Variants in TAB2 observed in about 807,000 individuals in gnomAD.
TAB2 encodes the protein TGF-beta activated kinase 1 (MAP3K7) binding protein 2, also known as TGF-beta-activated kinase 1 and MAP3K7-binding protein 2.
TAB2 carries 3 observed loss-of-function variants against 65.0 expected under a neutral mutation model. The ratio of observed to expected loss-of-function variants is 0.05; its 90% CI spans 0.02 to 0.12. The LOEUF (loss-of-function observed/expected upper bound fraction) is 0.12, where lower values mean the gene tolerates loss of function less well. TAB2 is among the 10% of genes least tolerant of loss of function. The pLI is 1.00. For missense variants in TAB2, 623 were observed against 840.3 expected, an observed-to-expected ratio of 0.74 and a Z score of 3.20; for synonymous variants, 298 against 285.1, an observed-to-expected ratio of 1.05 and a Z score of -0.46.
chr6:149,228,308 G>T (rs922425027), intron 1 of TAB2, among the ~76,000 whole-genome samples: 3 of 152,032 alleles, frequency 2.0e-5, no homozygotes, highest in Non-Finnish European at 4.4e-5. Context: ...AAGTGTTCTG[G>T]CCCCACGTGT....
At chr6:149,383,489 A>T (rs914069088) in intron 3 of TAB2, among the ~76,000 whole-genome samples, 1 of 152,152 alleles carries the variant, frequency 6.6e-6, no homozygotes, top group African/African-American at 2.4e-5. Flanking sequence ...GTGTGTGCAC[A>T]CTGTTTTGGG....
At chr6:149,373,052 T>A (rs929464871) in intron 2 of TAB2, among the ~76,000 whole-genome samples, 1 of 152,230 alleles carries the variant, frequency 6.6e-6, no homozygotes, top group African/African-American at 2.4e-5. Context: ...TCTATCCTCT[T>A]TTCTCTTAAG....
chr6:149,303,021 T>A (rs775254220), intron 1 of TAB2, among the ~76,000 whole-genome samples: 1 of 152,220 alleles, frequency 6.6e-6, no homozygotes, highest in Non-Finnish European at 1.5e-5. Flanking sequence ...GAACTGCGCA[T>A]GCAGGGGATC....
intron 5 of TAB2, among the ~76,000 whole-genome samples, chr6:149,398,595 A>G (rs1782255529): frequency 6.6e-6 from 1 of 152,156 alleles, no homozygotes; most frequent in Non-Finnish European, 1.5e-5. Context: ...TTATCTTTAA[A>G]CATTCATAGA....
chr6:149,237,871 A>AT (rs1777529805), intron 1 of TAB2, among the ~76,000 whole-genome samples: 1 of 152,046 alleles, frequency 6.6e-6, no homozygotes. Flanking sequence ...CTCCAAATCA[A>AT]TTTGTTTGAA....
chr6:149,373,291 G>A (rs189163722), intron 2 of TAB2, among the ~76,000 whole-genome samples: 55 of 152,152 alleles, frequency 3.6e-4, no homozygotes, highest in Admixed American at 2.3e-3. Context: ...TTAACATGAC[G>A]ATTGAATCTG....
chr6:149,333,401 T>C (rs537698743), intron 1 of TAB2, among the ~76,000 whole-genome samples: 1 of 152,166 alleles, frequency 6.6e-6, no homozygotes, highest in Non-Finnish European at 1.5e-5. Context: ...TTGAATGGAG[T>C]ACACATTGCA....
intron 1 of TAB2, among the ~76,000 whole-genome samples, chr6:149,279,829 C>T (rs1778540268): frequency 6.6e-6 from 1 of 152,196 alleles, no homozygotes; most frequent in Non-Finnish European, 1.5e-5. Flanking sequence ...ATGTCTAAAA[C>T]TGAACTTGTT....
chr6:149,377,070 ATTT>A (rs369685969), intron 2 of TAB2, among the ~76,000 whole-genome samples: 4 of 89,904 alleles, frequency 4.4e-5, no homozygotes, highest in Non-Finnish European at 5.1e-5. Context: ...AATGTAACTT[ATTT>A]TTTTTTTTTT....
intron 1 of TAB2, among the ~76,000 whole-genome samples, chr6:149,266,591 A>G (rs1778269556): frequency 6.6e-6 from 1 of 152,190 alleles, no homozygotes; most frequent in South Asian, 2.1e-4. Context: ...TATAACCCAC[A>G]GCTTGATCCC....
At chr6:149,333,062 C>T (rs1026302429) in intron 1 of TAB2, among the ~76,000 whole-genome samples, 12 of 152,214 alleles carry the variant, frequency 7.9e-5, no homozygotes, top group Admixed American at 4.6e-4. Flanking sequence ...CACTAAATGT[C>T]AGTTTTTATA....
chr6:149,234,020 A>C (rs1289819299), intron 1 of TAB2, among the ~76,000 whole-genome samples: 1 of 152,122 alleles, frequency 6.6e-6, no homozygotes, highest in Non-Finnish European at 1.5e-5. Context: ...ACTTCACTTC[A>C]GTTTATGATT....
At chr6:149,247,878 G>A (rs1350690192) in intron 1 of TAB2, 1 of 152,204 alleles carries the variant, frequency 6.6e-6, no homozygotes, top group Non-Finnish European at 1.5e-5. Context: ...CTGGGATACA[G>A]GGAGGAGAAC....
chr6:149,365,752 T>G (rs1485508322), intron 1 of TAB2, among the ~76,000 whole-genome samples: 4 of 152,048 alleles, frequency 2.6e-5, no homozygotes, highest in Non-Finnish European at 4.4e-5. Flanking sequence ...ACAAGTATGT[T>G]ATGATACCTT....
At chr6:149,325,494 T>C (rs970977455) in intron 1 of TAB2, among the ~76,000 whole-genome samples, 3 of 152,152 alleles carry the variant, frequency 2.0e-5, no homozygotes, top group South Asian at 4.1e-4. Flanking sequence ...ACATCATCAT[T>C]ATTTTTTTAA....
chr6:149,382,083 A>G (rs1257194643), intron 3 of TAB2, among the ~76,000 whole-genome samples: 2 of 152,186 alleles, frequency 1.3e-5, no homozygotes, highest in African/African-American at 2.4e-5. Flanking sequence ...AATAAAAGCT[A>G]TGAAGCCCTA....
chr6:149,242,462 T>C (rs75540918), intron 1 of TAB2, among the ~76,000 whole-genome samples: 2,190 of 152,234 alleles, frequency 0.014, 59 homozygotes, highest in African/African-American at 0.05. Context: ...TATTATAGAG[T>C]TCCTAAAGTT....
At position 149,411,146 on chromosome 6, in the gene TAB2, T is replaced by C. The variant is rs376276997; in HGVS notation, c.*1427T>C. ...ACTGAAATCAAGAAAAAGAACAGTA[T>C]GCATTTAAAAAGACAGAATTATGAA... On this transcript the variant is annotated 3_prime_UTR_variant, in exon 7 of 7. Transcript: ENST00000637181. 52 of 152,756 alleles carry C rather than the reference T, an allele frequency of 3.4e-4. No homozygotes were observed. The highest frequency in any genetic ancestry group is 1.1e-3 in the African/African-American group (46 of 41,582). 9.5% of individuals were successfully genotyped at this position (152,756 alleles called of 1,614,324 possible).
At position 149,238,877 on chromosome 6, in the gene TAB2, C is replaced by T. The variant is rs140941450; in HGVS notation, c.-121+20101C>T. On this transcript the variant is annotated intron_variant, in intron 1 of 1. Transcript: ENST00000606202. ...CTCATGGAGACTGTCACATCTTAGACGACAGAGCCTTCGCCAATGTTCATG... is the reference window on the plus strand; with the variant it reads ...CTCATGGAGACTGTCACATCTTAGATGACAGAGCCTTCGCCAATGTTCATG... 2.0e-3 allele frequency among the ~76,000 whole-genome samples: 308 copies of T among 152,312 alleles called. 1 individual carries two copies. Among genetic ancestry groups the T allele is most frequent in the Middle Eastern group, 0.014 (4 of 294 alleles).
Sources: gnomAD v4.1 joint callset for allele counts (sites outside exome capture counted in the v4.1 genomes callset) on GRCh38, gnomAD v4.1.1 for gene constraint, MANE v1.5 for transcripts, NCBI Gene and HGNC (gene_info 2026-07-23, HGNC 2026-07-21) for gene names.